The following TRAPPC8 variants were observed in gnomAD, a reference collection of about 807,000 sequenced individuals.
TRAPPC8 encodes general sporulation gene 1 homolog.
A neutral mutation model predicts 174.3 loss-of-function variants in TRAPPC8; 54 were observed. The ratio of observed to expected loss-of-function variants is 0.31; its 90% CI spans 0.25 to 0.39. The LOEUF (loss-of-function observed/expected upper bound fraction) is 0.39, where lower values mean the gene tolerates loss of function less well. Among genes scored for constraint, TRAPPC8 ranks in the 10% least tolerant of loss-of-function variants. The pLI is 1.00. For missense variants in TRAPPC8, 1,531 were observed against 1,699.1 expected, an observed-to-expected ratio of 0.90 and a Z score of 1.74; for synonymous variants, 630 against 579.9, an observed-to-expected ratio of 1.09 and a Z score of -1.24.
At chr18:31,939,962 A>G (rs991197003) in intron 1 of TRAPPC8, among the ~76,000 whole-genome samples, 2 of 152,220 alleles carry the variant, frequency 1.3e-5, no homozygotes, top group Non-Finnish European at 2.9e-5. Flanking sequence ...ATGAGCCGCT[A>G]TCACAGCACT....
intron 14 of TRAPPC8, among the ~76,000 whole-genome samples, chr18:31,873,220 T>C (rs1395355497): frequency 1.3e-5 from 2 of 151,996 alleles, no homozygotes; most frequent in Non-Finnish European, 2.9e-5. Context: ...GGTTTCACCA[T>C]GTTAGCCAGG....
In TRAPPC8 at chr18:31,932,652, T is replaced by C. The variant is rs552040566; in HGVS notation, c.158-1129A>G. The stretch of plus-strand genomic sequence containing the variant: ...CAAAATGTGAGCATATTTTTTCACA[T>C]AATCAGACAAAATGTTCCACAGTAG... On this transcript the variant is annotated intron_variant, in intron 1 of 28. Coordinates refer to ENST00000283351, the MANE Select transcript of TRAPPC8 (RefSeq NM_014939.5). 1.2e-4 allele frequency among the ~76,000 whole-genome samples: 19 copies of C among 152,212 alleles called. No homozygotes were observed. In the East Asian group the frequency reaches 3.3e-3, roughly 26 times the overall value.
chr18:31,924,585 ACT>A, intron 2 of TRAPPC8, among the ~76,000 whole-genome samples: 1 of 151,180 alleles, frequency 6.6e-6, no homozygotes, highest in East Asian at 1.9e-4. Context: ...ACATCATGAA[ACT>A]CTGTCTCCAC....
intron 1 of TRAPPC8, among the ~76,000 whole-genome samples, chr18:31,933,920 C>A (rs762306557): frequency 6.6e-6 from 1 of 152,080 alleles, no homozygotes; most frequent in Non-Finnish European, 1.5e-5. Flanking sequence ...GGCATGGTGT[C>A]TCACTGTTGT....
intron 11 of TRAPPC8, among the ~76,000 whole-genome samples, 190 bp downstream of exon 11, chr18:31,897,596 A>T (rs1418596365): frequency 6.6e-6 from 1 of 152,218 alleles, no homozygotes; most frequent in Non-Finnish European, 1.5e-5. Flanking sequence ...TATGTAAATA[A>T]ACTTAATTTA....
chr18:31,905,478 G>T lies in TRAPPC8; in HGVS notation c.1389+1982C>A, dbSNP rs140679097. Among the ~76,000 whole-genome samples the T allele has an allele frequency of 3.2e-3, 490 of 152,238 alleles. 6 individuals carry two copies. Among genetic ancestry groups the T allele is most frequent in the Non-Finnish European group, 3.2e-3 (215 of 68,028 alleles). Reference sequence around the variant, plus strand: ...CAGGCTGTACTTTCTTCTATGATCAGCTTCATGGCAGCTCCATCGGTTGGG... The same window carrying T: ...CAGGCTGTACTTTCTTCTATGATCATCTTCATGGCAGCTCCATCGGTTGGG... On this transcript the variant is annotated intron_variant, in intron 9 of 28. Coordinates refer to ENST00000283351, the MANE Select transcript of TRAPPC8 (RefSeq NM_014939.5).
intron 22 of TRAPPC8, 81 bp downstream of exon 22, chr18:31,853,768 C>G: frequency 2.0e-6 from 2 of 1,022,518 alleles, no homozygotes; most frequent in Non-Finnish European, 2.8e-6. Context: ...TCCTAATAAT[C>G]TTAAGACATT....
chr18:31,841,461 A>G (rs540444216), intron 26 of TRAPPC8, among the ~76,000 whole-genome samples: 3 of 152,292 alleles, frequency 2.0e-5, no homozygotes, highest in Non-Finnish European at 4.4e-5. Context: ...GATACAATGT[A>G]ATAGCCTTTA....
At chr18:31,871,798 G>A (rs1018346793) in intron 14 of TRAPPC8, among the ~76,000 whole-genome samples, 14 of 151,674 alleles carry the variant, frequency 9.2e-5, no homozygotes, top group African/African-American at 3.4e-4. Context: ...TCCTCTATTA[G>A]GAATTCTATT....
intron 1 of TRAPPC8, among the ~76,000 whole-genome samples, chr18:31,934,673 G>C (rs1285961772): frequency 1.3e-5 from 2 of 152,076 alleles, no homozygotes; most frequent in Admixed American, 1.3e-4. Context: ...TTCAAGACCA[G>C]CCTGGCCAAC....
chr18:31,868,675 T>C (rs1254066179), intron 16 of TRAPPC8, among the ~76,000 whole-genome samples: 3 of 152,066 alleles, frequency 2.0e-5, no homozygotes, highest in Non-Finnish European at 2.9e-5. Flanking sequence ...TATTTATTTA[T>C]TTATTTATTT....
intron 2 of TRAPPC8, among the ~76,000 whole-genome samples, chr18:31,924,818 T>C (rs1346642120): frequency 6.9e-6 from 1 of 144,048 alleles, no homozygotes; most frequent in Non-Finnish European, 1.5e-5. Context: ...TAAATGCAAA[T>C]AGCAATCAAT....
intron 12 of TRAPPC8, among the ~76,000 whole-genome samples, chr18:31,875,571 G>A (rs1205155703): frequency 6.6e-6 from 1 of 152,144 alleles, no homozygotes; most frequent in Non-Finnish European, 1.5e-5. Flanking sequence ...CCAGCATCAG[G>A]TGCTACCACA....
chr18:31,941,725 G>A (rs1010957490), intron 1 of TRAPPC8, among the ~76,000 whole-genome samples: 2 of 152,166 alleles, frequency 1.3e-5, no homozygotes, highest in African/African-American at 4.8e-5. Flanking sequence ...CATCACAGTC[G>A]TTTGCCTGAC....
rs912768839 is a variant in TRAPPC8 at position 31,890,102 on chromosome 18, T to C, written c.1728+633A>G. On this transcript the variant is annotated intron_variant, in intron 12 of 28. Transcript: ENST00000283351. ...AGCTCCTAGTATACTCTCTGAAATATAGAGATGGTTGTTTAATCCAAGTTT... is the reference window on the plus strand; with the variant it reads ...AGCTCCTAGTATACTCTCTGAAATACAGAGATGGTTGTTTAATCCAAGTTT... 1.4e-4 allele frequency among the ~76,000 whole-genome samples: 21 copies of C among 152,326 alleles called. 1 individual carries two copies. The highest frequency in any genetic ancestry group is 8.3e-4 in the South Asian group (4 of 4,828).
At chr18:31,859,569 C>T (rs2034215672) in intron 19 of TRAPPC8, among the ~76,000 whole-genome samples, 1 of 152,102 alleles carries the variant, frequency 6.6e-6, no homozygotes, top group Non-Finnish European at 1.5e-5. Context: ...TGTAAAAACA[C>T]ACTAAAATAC....
rs756559861 is a variant in TRAPPC8, at chr18:31,871,083, T to C, written c.2100A>G (p.Gln700=). Residue 700 remains glutamine, a synonymous_variant, in exon 15 of 29, where the codon CAA becomes CAG. Coordinates refer to ENST00000283351, the MANE Select transcript of TRAPPC8 (RefSeq NM_014939.5). ...GCTGAGAGGATTCAGAATCATATTC[T>C]TGATCAAGACTTACATGAGTAGCTG... is the stretch of plus-strand genomic sequence containing the variant. ...KQAATHVSLD[Q]EYDSESSQQW... 17 of 1,597,394 alleles carry C rather than the reference T, an allele frequency of 1.1e-5. No individual in the cohort carries two copies. The highest frequency in any genetic ancestry group is 1.4e-5 in the Non-Finnish European group (16 of 1,169,814).
In TRAPPC8 at chr18:31,896,607, C is replaced by T. The variant is rs79669683; in HGVS notation, c.1596+1179G>A. Among the ~76,000 whole-genome samples the T allele has an allele frequency of 3.8e-4, 58 of 152,160 alleles. No individual in the cohort carries two copies. The East Asian group carries it at 9.3e-3, about 24-fold the overall frequency. On this transcript the variant is annotated intron_variant, in intron 11 of 28. Coordinates refer to ENST00000283351, the MANE Select transcript of TRAPPC8 (RefSeq NM_014939.5). The stretch of plus-strand genomic sequence containing the variant: ...GTTAATTTAAGATGCCTTGGAAACA[C>T]GCAAGTAGATAAATCTTTGTTGTTG...
chr18:31,921,982 CTT>C (rs2037410813), intron 2 of TRAPPC8, among the ~76,000 whole-genome samples: 1 of 152,146 alleles, frequency 6.6e-6, no homozygotes, highest in African/African-American at 2.4e-5. Flanking sequence ...GCTTCTGCCT[CTT>C]TAAGACAAAA....
Sources: allele counts gnomAD v4.1 joint callset (sites outside exome capture counted in the v4.1 genomes callset), GRCh38; gene constraint gnomAD v4.1.1; transcripts MANE v1.5; gene names NCBI Gene and HGNC (gene_info 2026-07-23, HGNC 2026-07-21).